SP140L: variants seen among roughly 807,000 people sequenced by gnomAD.
SP140L encodes SP140 like nuclear body protein.
SP140L carries 64 observed loss-of-function variants against 84.3 expected under a neutral mutation model. The observed-to-expected ratio is 0.76, with a 90% CI of 0.62 to 0.94. The LOEUF (loss-of-function observed/expected upper bound fraction) is 0.94. SP140L is among the 40% of genes least tolerant of loss of function. The pLI is 0.00. For synonymous variants in SP140L, 242 were observed against 236.9 expected (o/e 1.02, Z -0.20); for missense variants, 628 against 692.5 (o/e 0.91, Z 1.05).
At chr2:230,342,363 C>A (rs1020155948) in intron 2 of SP140L, among the ~76,000 whole-genome samples, 1 of 152,210 alleles carries the variant, frequency 6.6e-6, no homozygotes, top group African/African-American at 2.4e-5. Context: ...GCGCACGGTG[C>A]GTGCACCCAC....
At chr2:230,375,255 C>T (rs1179602342) in intron 7 of SP140L, among the ~76,000 whole-genome samples, 2 of 152,002 alleles carry the variant, frequency 1.3e-5, no homozygotes, top group Admixed American at 6.5e-5. Flanking sequence ...ATATATTTTC[C>T]AATATACACA....
intron 7 of SP140L, among the ~76,000 whole-genome samples, chr2:230,374,398 T>C (rs2061179751): frequency 6.6e-6 from 1 of 152,036 alleles, no homozygotes; most frequent in Non-Finnish European, 1.5e-5. Context: ...TAAGGAGTTG[T>C]TTATTATGGA....
intron 7 of SP140L, among the ~76,000 whole-genome samples, chr2:230,375,325 T>C (rs1227829582): frequency 6.6e-6 from 1 of 152,200 alleles, no homozygotes; most frequent in African/African-American, 2.4e-5. Flanking sequence ...TTAGGTTGTT[T>C]CTATGTCTTA....
chr2:230,337,326 C>A (rs1009134535), intron 2 of SP140L, among the ~76,000 whole-genome samples: 2 of 152,130 alleles, frequency 1.3e-5, no homozygotes, highest in African/African-American at 4.8e-5. Flanking sequence ...CCTTCGCCCA[C>A]TTTTTGATCG....
intron 2 of SP140L, among the ~76,000 whole-genome samples, chr2:230,347,572 G>A (rs1055597645): frequency 1.3e-5 from 2 of 152,168 alleles, no homozygotes; most frequent in Non-Finnish European, 2.9e-5. Flanking sequence ...GCAGGTCGCT[G>A]GCTGGCCACT....
intron 15 of SP140L, 115 bp downstream of exon 15, chr2:230,400,357 G>C: frequency 9.6e-7 from 1 of 1,040,552 alleles, no homozygotes; most frequent in Non-Finnish European, 1.4e-6. Flanking sequence ...AGGTTCATCG[G>C]GTACTGGGAC....
chr2:230,371,944 A>G, intron 7 of SP140L: 2 of 332,874 alleles, frequency 6.0e-6, no homozygotes, highest in South Asian at 6.6e-5. Flanking sequence ...AGAGTGGAGA[A>G]CTTTTCCTGG....
chr2:230,362,292 C>A (rs2060743296), intron 5 of SP140L, among the ~76,000 whole-genome samples: 1 of 152,184 alleles, frequency 6.6e-6, no homozygotes, highest in African/African-American at 2.4e-5. Context: ...TTTTGACTTT[C>A]ATCACTTAGG....
intron 16 of SP140L, 106 bp from the exon 17 acceptor site, chr2:230,401,260 G>A (rs1251091814): frequency 4.3e-5 from 69 of 1,590,056 alleles, no homozygotes; most frequent in African/African-American, 1.2e-4. Context: ...AGCCACACAT[G>A]TTAGAGAAAC....
At chr2:230,356,505 A>G (rs1372164379) in intron 2 of SP140L, among the ~76,000 whole-genome samples, 5 of 152,262 alleles carry the variant, frequency 3.3e-5, no homozygotes, top group African/African-American at 4.8e-5. Context: ...TTGCTCATTT[A>G]TATGAAATCC....
At chr2:230,341,769 C>A (rs190702077) in intron 2 of SP140L, among the ~76,000 whole-genome samples, 1 of 152,104 alleles carries the variant, frequency 6.6e-6, no homozygotes, top group African/African-American at 2.4e-5. Context: ...TGTCAGTGTG[C>A]CCCTGCTGGG....
chr2:230,342,787 G>A (rs1199656761), intron 2 of SP140L, among the ~76,000 whole-genome samples: 1 of 151,714 alleles, frequency 6.6e-6, no homozygotes, highest in African/African-American at 2.4e-5. Flanking sequence ...TATTTCCCTT[G>A]GTTAGTCTAG....
rs767884624 is a variant in SP140L, at chr2:230,358,960, A to T, written c.271-4A>T. ...TGTATTTTCTCCATTCAATATTTTT[A>T]AAGGATTCTGAAGATTCTTGTAGAA... On this transcript the variant is annotated splice_region_variant and splice_polypyrimidine_tract_variant and intron_variant, in intron 3 of 18. Transcript: ENST00000415673. 2 of 1,564,814 alleles carry T rather than the reference A, an allele frequency of 1.3e-6. No individual in the cohort carries two copies. Among genetic ancestry groups the T allele is most frequent in the East Asian group, 4.5e-5 (2 of 44,040 alleles).
chr2:230,390,106 C>A (rs931910093), intron 11 of SP140L, 83 bp downstream of exon 11: 3 of 1,283,260 alleles, frequency 2.3e-6, no homozygotes, highest in East Asian at 2.4e-5. Context: ...GTGAATTACA[C>A]ATCATTCAAG....
At chr2:230,373,120 TGG>T (rs2061140257) in intron 7 of SP140L, among the ~76,000 whole-genome samples, 1 of 152,214 alleles carries the variant, frequency 6.6e-6, no homozygotes, top group South Asian at 2.1e-4. Context: ...TAACACCAGT[TGG>T]TTCATGAGGT....
chr2:230,354,909 A>AAAGAAAGGAAAG (rs1559420492), intron 2 of SP140L, among the ~76,000 whole-genome samples: 16 of 136,096 alleles, frequency 1.2e-4, no homozygotes, highest in African/African-American at 3.8e-4. Flanking sequence ...AAAGAGAAAG[A>AAAGAAAGGAAAG]AGAAAGAAAA....
intron 7 of SP140L, among the ~76,000 whole-genome samples, chr2:230,381,711 T>TACACACACACACACACACACACACACAC (rs71052506): frequency 6.8e-6 from 1 of 147,056 alleles, no homozygotes. Flanking sequence ...CCTGTCTCTC[T>TACACACACACACACACACACACACACAC]ACACACACAC....
intron 2 of SP140L, among the ~76,000 whole-genome samples, chr2:230,332,985 T>C (rs1224108955): frequency 6.6e-6 from 1 of 152,200 alleles, no homozygotes; most frequent in Non-Finnish European, 1.5e-5. Context: ...AGTAGCCTCC[T>C]GACTAAGAGT....
Position 230,392,095 on chromosome 2 carries a change from G to A in SP140L, c.973G>A (p.Ala325Thr), listed in dbSNP as rs1181129574. 1.2e-5 allele frequency: 20 copies of A among 1,613,718 alleles called. No homozygotes were observed. The highest frequency in any genetic ancestry group is 5.3e-5 in the African/African-American group (4 of 74,884). The change falls in exon 12 of 19, where the codon GCA becomes ACA. Residue 325 changes from alanine (A) to threonine (T), a missense_variant. Ala to Thr is a moderately conservative substitution (Grantham distance 58). Coordinates refer to ENST00000415673, the MANE Select transcript of SP140L (RefSeq NM_138402.6). Reference sequence around the variant, plus strand: ...TTACCCTGGTCTTACAGGAACCTTGGCAAAGTGTATACAGACTGAGGATGG... The same window carrying A: ...TTACCCTGGTCTTACAGGAACCTTGACAAAGTGTATACAGACTGAGGATGG... Reference protein sequence around the residue: ...HKEKLEQGTLAKCIQTEDGKW... With the variant: ...HKEKLEQGTLTKCIQTEDGKW...
Sources: gnomAD v4.1 joint callset for allele counts (sites outside exome capture counted in the v4.1 genomes callset) on GRCh38, gnomAD v4.1.1 for gene constraint, MANE v1.5 for transcripts, NCBI Gene and HGNC (gene_info 2026-07-23, HGNC 2026-07-21) for gene names.